The following KIRREL3 variants were observed in gnomAD, a reference collection of about 807,000 sequenced individuals.
KIRREL3 encodes kirre like nephrin family adhesion molecule 3, also known as kin of IRRE-like protein 3.
A neutral mutation model predicts 89.7 loss-of-function variants in KIRREL3; 36 were observed. That is an observed-to-expected ratio of 0.40 (90% confidence interval 0.31 to 0.53). The LOEUF is 0.53. Ranked by LOEUF, KIRREL3 falls within the 20% of genes least tolerant of loss-of-function variation. The pLI is 0.49. For missense variants in KIRREL3, 864 were observed against 1,056.6 expected, an observed-to-expected ratio of 0.82 and a Z score of 2.53; for synonymous variants, 445 against 441.4, an observed-to-expected ratio of 1.01 and a Z score of -0.10.
In KIRREL3 at chr11:126,495,619, C is replaced by A. The variant is rs139309637; in HGVS notation, c.434-22153G>T. Among the ~76,000 whole-genome samples, 34 of 152,246 alleles carry A rather than the reference C, an allele frequency of 2.2e-4. No individual in the cohort carries two copies. In the East Asian group the frequency reaches 6.6e-3, roughly 29 times the overall value. ...GCAGATGCCTCAGGAAGGAAGCGACCCTGTTGTGTCCTCCCTGCTGTGACA... is the reference window on the plus strand; with the variant it reads ...GCAGATGCCTCAGGAAGGAAGCGACACTGTTGTGTCCTCCCTGCTGTGACA... On this transcript the variant is annotated intron_variant, in intron 4 of 16. Coordinates refer to ENST00000525144, the MANE Select transcript of KIRREL3 (RefSeq NM_032531.4). This position sits in a 1 kb window ranked among gnomAD's most constrained non-coding sequence, Gnocchi z 6.5.
At chr11:126,971,330 T>A (rs1194872465) in intron 1 of KIRREL3, among the ~76,000 whole-genome samples, 1 of 152,206 alleles carries the variant, frequency 6.6e-6, no homozygotes, top group African/African-American at 2.4e-5. Flanking sequence ...AACCTGAGAA[T>A]AATGATCTTT....
At chr11:126,480,909 CA>C (rs1957200207) in intron 4 of KIRREL3, among the ~76,000 whole-genome samples, 1 of 152,226 alleles carries the variant, frequency 6.6e-6, no homozygotes. Context: ...CTCACGTATA[CA>C]GATGCGCCAC....
intron 5 of KIRREL3, among the ~76,000 whole-genome samples, chr11:126,464,228 C>A (rs1487393062): frequency 6.6e-6 from 1 of 150,968 alleles, no homozygotes; most frequent in Admixed American, 6.6e-5. Flanking sequence ...AGAGAGTCTG[C>A]TGGGTGTGGA....
chr11:126,675,841 G>C (rs1946163097), intron 1 of KIRREL3, among the ~76,000 whole-genome samples: 1 of 152,200 alleles, frequency 6.6e-6, no homozygotes, highest in Non-Finnish European at 1.5e-5. Context: ...GATTAATGAG[G>C]AGAGACTGGA....
At position 126,640,530 on chromosome 11, in the gene KIRREL3, T is replaced by G. The variant is rs570610776; in HGVS notation, c.56-77618A>C. Reference sequence around the variant, plus strand: ...AATTTGGCCTCTGAATTAAGTCAGCTTTTTCCTTCTGGGCTGCTTGTACCT... The same window carrying G: ...AATTTGGCCTCTGAATTAAGTCAGCGTTTTCCTTCTGGGCTGCTTGTACCT... On this transcript the variant is annotated intron_variant, in intron 1 of 16. Transcript: ENST00000525144. This position sits in a 1 kb window ranked among gnomAD's most constrained non-coding sequence, Gnocchi z 4.9. Among the ~76,000 whole-genome samples the G allele has an allele frequency of 9.8e-5, 15 of 152,316 alleles. No individual in the cohort carries two copies. Among genetic ancestry groups the G allele is most frequent in the Admixed American group, 3.3e-4 (5 of 15,298 alleles).
rs10616492 is a variant in KIRREL3, at chr11:126,755,823, CAGAGAGAGAGAGAGAG to C, written c.56-192927_56-192912del. Among the ~76,000 whole-genome samples the C allele has an allele frequency of 2.0e-5, 3 of 147,904 alleles. No individual in the cohort carries two copies. The highest frequency in any genetic ancestry group is 2.2e-4 in the South Asian group (1 of 4,572). ...GCGTGCTCGCCATCTGCCATTCAGG[CAGAGAGAGAGAGAGAG>C]AGAGAGAGAGAGAGAGGGAGAGAGG... On this transcript the variant is annotated intron_variant, in intron 1 of 16. Coordinates refer to ENST00000525144, the MANE Select transcript of KIRREL3 (RefSeq NM_032531.4). This position sits in a 1 kb window ranked among gnomAD's most constrained non-coding sequence, Gnocchi z 4.3.
intron 4 of KIRREL3, among the ~76,000 whole-genome samples, chr11:126,511,502 C>T (rs948069876): frequency 3.3e-4 from 50 of 152,200 alleles, no homozygotes; most frequent in Admixed American, 7.2e-4. Flanking sequence ...CATCTTTCCT[C>T]TGCAGGACAC....
chr11:126,573,683 C>CATTT (rs953697908), intron 1 of KIRREL3, among the ~76,000 whole-genome samples: 11 of 152,270 alleles, frequency 7.2e-5, no homozygotes, highest in African/African-American at 2.6e-4. Context: ...TGTTTATTTT[C>CATTT]ATTTATTTAT....
chr11:126,938,778 A>G (rs1948311786), intron 1 of KIRREL3, among the ~76,000 whole-genome samples: 1 of 152,230 alleles, frequency 6.6e-6, no homozygotes, highest in African/African-American at 2.4e-5. Flanking sequence ...GAAATAAAAT[A>G]GAAAAAACAC....
chr11:126,855,311 T>C (rs898897653), intron 1 of KIRREL3, among the ~76,000 whole-genome samples: 1 of 152,168 alleles, frequency 6.6e-6, no homozygotes, highest in African/African-American at 2.4e-5. Context: ...TCTGGTTGTT[T>C]AAAAGTGGGG....
intron 4 of KIRREL3, among the ~76,000 whole-genome samples, chr11:126,493,617 C>G (rs546499833): frequency 2.3e-4 from 33 of 145,088 alleles, no homozygotes; most frequent in Middle Eastern, 7.2e-3. Flanking sequence ...ATCGCGCCAC[C>G]GCACTCCAGC....
Position 126,432,676 on chromosome 11 carries a change from G to A in KIRREL3, c.1589-1150C>T, listed in dbSNP as rs1297684593. 2.0e-5 allele frequency among the ~76,000 whole-genome samples: 3 copies of A among 151,822 alleles called. No individual in the cohort carries two copies. Among genetic ancestry groups the A allele is most frequent in the East Asian group, 1.9e-4 (1 of 5,150 alleles). On this transcript the variant is annotated intron_variant, in intron 13 of 16. Coordinates refer to ENST00000525144, the MANE Select transcript of KIRREL3 (RefSeq NM_032531.4). This position sits in a 1 kb window ranked among gnomAD's most constrained non-coding sequence, Gnocchi z 6.2. ...GTACCGCCCAGACTGCTGCTGCTCC[G>A]AGTCCTGGCTCCATCCCTTCTGCTG... is the stretch of plus-strand genomic sequence containing the variant.
At chr11:126,745,627 C>G (rs940199867) in intron 1 of KIRREL3, among the ~76,000 whole-genome samples, 1 of 152,074 alleles carries the variant, frequency 6.6e-6, no homozygotes, top group African/African-American at 2.4e-5. Flanking sequence ...AAAGCCAAAA[C>G]AGGAGATGGG....
chr11:126,971,620 G>A (rs1949427035), intron 1 of KIRREL3, among the ~76,000 whole-genome samples: 1 of 152,132 alleles, frequency 6.6e-6, no homozygotes, highest in Admixed American at 6.5e-5. Context: ...CCACAGAAAT[G>A]AAAATATCAT....
chr11:126,666,429 C>A lies in KIRREL3; in HGVS notation c.56-103517G>T, dbSNP rs753034846. 2.6e-5 allele frequency among the ~76,000 whole-genome samples: 4 copies of A among 152,182 alleles called. No individual in the cohort carries two copies. The highest frequency in any genetic ancestry group is 6.5e-5 in the Admixed American group (1 of 15,274). ...CATTTCCTGAAAAATAGAGGGCCAA[C>A]TACCATTAGAGCTCTTAGAGGATTG... On this transcript the variant is annotated intron_variant, in intron 1 of 16. Transcript: ENST00000525144. The surrounding 1 kb of genome is among the most constrained non-coding windows in gnomAD (Gnocchi z 4.2).
chr11:126,922,125 A>G (rs10790858), intron 1 of KIRREL3, among the ~76,000 whole-genome samples: 9,896 of 35,082 alleles, frequency 0.28, 404 homozygotes, highest in East Asian at 0.51. Flanking sequence ...CTGTCTGTCT[A>G]TCTATCTATC....
chr11:126,910,646 G>C (rs985225297), intron 1 of KIRREL3, among the ~76,000 whole-genome samples: 3 of 152,174 alleles, frequency 2.0e-5, no homozygotes, highest in Non-Finnish European at 4.4e-5. Flanking sequence ...TGAGGAAATC[G>C]GGCAAGTTTC....
At chr11:126,493,194 T>C (rs1412081711) in intron 4 of KIRREL3, among the ~76,000 whole-genome samples, 12 of 152,172 alleles carry the variant, frequency 7.9e-5, no homozygotes, top group Admixed American at 7.9e-4. Context: ...ACCACAGGCA[T>C]TGAGCCCAAT....
intron 1 of KIRREL3, among the ~76,000 whole-genome samples, chr11:126,831,884 T>A (rs923383291): frequency 6.6e-6 from 1 of 152,230 alleles, no homozygotes; most frequent in Admixed American, 6.5e-5. Flanking sequence ...GCATTTGGAA[T>A]GTCTCATTAT....
Sources: allele counts gnomAD v4.1 joint callset (sites outside exome capture counted in the v4.1 genomes callset), GRCh38; gene constraint gnomAD v4.1.1; non-coding constraint Gnocchi (gnomAD v3.1); transcripts MANE v1.5; gene names NCBI Gene and HGNC (gene_info 2026-07-23, HGNC 2026-07-21).